Variants in SETX observed in about 807,000 individuals in gnomAD.
The protein encoded by SETX is senataxin.
A neutral mutation model predicts 227.2 loss-of-function variants in SETX; 90 were observed. That is an observed-to-expected ratio of 0.40 (90% CI 0.33 to 0.47). The LOEUF is 0.47. Ranked by LOEUF, SETX falls within the 20% of genes least tolerant of loss-of-function variation. The pLI, the probability that SETX is intolerant of heterozygous loss-of-function variation, is 0.91. For synonymous variants in SETX, 1,210 were observed against 1,113.2 expected (o/e 1.09, Z -1.73); for missense variants, 3,052 against 3,181.5 (o/e 0.96, Z 0.98).
chr9:132,338,358 T>G (rs1847763058), intron 5 of SETX, among the ~76,000 whole-genome samples: 2 of 152,168 alleles, frequency 1.3e-5, no homozygotes, highest in African/African-American at 4.8e-5. Flanking sequence ...CCCATAGTGC[T>G]GGGATTACAG....
chr9:132,311,694 C>A (rs990772027), intron 11 of SETX, 63 bp downstream of exon 11: 1 of 1,195,628 alleles, frequency 8.4e-7, no homozygotes, highest in Middle Eastern at 2.6e-4. Flanking sequence ...ATGCTATCTC[C>A]TCTTAATTAG....
At position 132,281,592 on chromosome 9, in the gene SETX, G is replaced by A; in HGVS notation, c.6547-18C>T. 6.6e-7 allele frequency: 1 copy of A among 1,521,496 alleles called. No individual in the cohort carries two copies. Among genetic ancestry groups the A allele is most frequent in the East Asian group, 2.3e-5 (1 of 44,378 alleles). 94.2% of individuals were successfully genotyped at this position (1,521,496 alleles called of 1,614,324 possible). On this transcript the variant is annotated intron_variant, in intron 19 of 25. Transcript: ENST00000224140. ...TGTCCAGCCTTGGTAAGATACAGAAGAGAGAGGCAGTCTTAACAATCTTTG... is the reference window on the plus strand; with the variant it reads ...TGTCCAGCCTTGGTAAGATACAGAAAAGAGAGGCAGTCTTAACAATCTTTG...
chr9:132,303,989 G>C (rs1255223717), intron 11 of SETX, among the ~76,000 whole-genome samples: 1 of 152,046 alleles, frequency 6.6e-6, no homozygotes, highest in East Asian at 1.9e-4. Flanking sequence ...AGGCATGGTG[G>C]GGCGCCTGTA....
Position 132,315,903 on chromosome 9 carries a change from C to T in SETX, c.5275-4047G>A, listed in dbSNP as rs554001067. Among the ~76,000 whole-genome samples the T allele has an allele frequency of 2.6e-5, 4 of 152,158 alleles. No individual in the cohort carries two copies. The South Asian group carries it at 8.3e-4, about 32-fold the overall frequency. On this transcript the variant is annotated intron_variant, in intron 10 of 25. Transcript: ENST00000224140. ...TCCACTACAGCTGTGTTAGTATAAC[C>T]GAAAAATCCAGAAGGGGGGTGTGTG... is the stretch of plus-strand genomic sequence containing the variant.
intron 12 of SETX, among the ~76,000 whole-genome samples, chr9:132,300,130 C>CAAAA (rs72582907): frequency 1.1e-4 from 5 of 47,214 alleles, no homozygotes; most frequent in African/African-American, 1.4e-4. Flanking sequence ...AACTCCGTCT[C>CAAAA]AAAAAAAAAA....
Position 132,264,511 on chromosome 9 carries a change from G to A in SETX, c.7762C>T (p.Gln2588Ter), listed in dbSNP as rs1191144997. The A allele has an allele frequency of 1.9e-6, 3 of 1,613,818 alleles. No homozygotes were observed. Among genetic ancestry groups the A allele is most frequent in the African/African-American group, 1.3e-5 (1 of 74,904 alleles). The change falls in exon 26 of 26, where the codon CAG becomes TAG. Residue 2588 changes from glutamine to a stop codon, truncating the protein, a stop_gained. Transcript: ENST00000224140. LOFTEE classifies it low-confidence loss of function (END_TRUNC). ...PVVHQDLSHI[Q>*]QPAAVVAALS... ...GCAGCCACTACAGCAGCGGGCTGCT[G>A]TATATGGCTCAGGTCCTGGTGAACG...
At position 132,327,890 on chromosome 9, in the gene SETX, A is replaced by G; in HGVS notation, c.3708T>C (p.Val1236=). The change falls in exon 10 of 26, where the codon GTT becomes GTC. Residue 1236 remains valine, a synonymous_variant. Transcript: ENST00000224140. The stretch of plus-strand genomic sequence containing the variant: ...TTTTCTTAGGGGTCTTAGAAACTGG[A>G]ACTTTCCTGATGGGTTCTGTACAAG... ...LCTCTEPIRK[V]PVSKTPKKTH... 1 of 1,614,182 alleles carries G rather than the reference A, an allele frequency of 6.2e-7. No homozygotes were observed. The highest frequency in any genetic ancestry group is 1.1e-5 in the South Asian group (1 of 91,082).
At chr9:132,292,276 T>G (rs1589659105) in intron 15 of SETX, among the ~76,000 whole-genome samples, 1 of 151,400 alleles carries the variant, frequency 6.6e-6, no homozygotes, top group Non-Finnish European at 1.5e-5. Flanking sequence ...AACAAAAATT[T>G]AAAAATTAAC....
chr9:132,284,974 G>A (rs1843759338), intron 18 of SETX, among the ~76,000 whole-genome samples: 1 of 151,884 alleles, frequency 6.6e-6, no homozygotes, highest in East Asian at 1.9e-4. Flanking sequence ...TGCCTCCCAG[G>A]TTCACGCCAT....
rs929008583 is a variant in SETX, at chr9:132,283,296, C to G, written c.6514G>C (p.Gly2172Arg). The G allele has an allele frequency of 6.2e-7, 1 of 1,614,028 alleles. No homozygotes were observed. The highest frequency in any genetic ancestry group is 2.2e-5 in the East Asian group (1 of 44,898). ...LLESAFRGQG[G>R]VPFSCVIVDE... ...ACAATGACACAGCTGAAGGGGACAC[C>G]CCCTTGCCCACGGAAAGCAGACTCA... Residue 2172 changes from glycine to arginine, a missense_variant, in exon 19 of 26, where the codon GGT becomes CGT. By Grantham distance (125) the Gly-to-Arg change is moderately radical (BLOSUM62 -2). Coordinates refer to ENST00000224140, the MANE Select transcript of SETX (RefSeq NM_015046.7).
intron 10 of SETX, among the ~76,000 whole-genome samples, chr9:132,323,236 T>G (rs926287409): frequency 6.6e-5 from 10 of 152,022 alleles, no homozygotes; most frequent in Non-Finnish European, 1.5e-4. Flanking sequence ...CAGAACAAAT[T>G]TATAGATTAA....
At chr9:132,279,535 C>T (rs760337122) in intron 20 of SETX, among the ~76,000 whole-genome samples, 3 of 152,242 alleles carry the variant, frequency 2.0e-5, no homozygotes, top group Middle Eastern at 3.4e-3. Flanking sequence ...GCACTGAAGA[C>T]GTGCAAAGCC....
rs1283456731 is a variant in SETX at position 132,283,403 on chromosome 9, C to CA, written c.6406_6407insT (p.Arg2136LeufsTer29). 1 of 1,613,984 alleles carries CA rather than the reference C, an allele frequency of 6.2e-7. No homozygotes were observed. The highest frequency in any genetic ancestry group is 8.5e-7 in the Non-Finnish European group (1 of 1,180,002). On this transcript the variant is annotated frameshift_variant, in exon 19 of 26. Transcript: ENST00000224140. LOFTEE classifies it high-confidence loss of function. ...GATGATACTCTGTGTTTTCTGTGGG[C>CA]GTCCTTGAACCTAAGAGAACAAAGG...
chr9:132,281,825 G>T (rs1462025377), intron 19 of SETX, among the ~76,000 whole-genome samples: 1 of 151,978 alleles, frequency 6.6e-6, no homozygotes, highest in Non-Finnish European at 1.5e-5. Flanking sequence ...GATCACCTGA[G>T]GTCCGGAGTT....
chr9:132,346,320 A>G lies in SETX; in HGVS notation c.329T>C (p.Leu110Pro). The G allele has an allele frequency of 6.2e-7, 1 of 1,614,118 alleles. No homozygotes were observed. Residue 110 changes from leucine to proline, a missense_variant, in exon 4 of 26, where the codon CTT (leucine) becomes CCT (proline). By Grantham distance (98) the Leu-to-Pro change is moderately conservative. Transcript: ENST00000224140. ...DITGQDFENK[L>P]RVPLLEILKY... ...CAGTATTTCAAGAAGAGGAACTCGA[A>G]GCTTATTTTCAAAGTCTTGCCCAGT...
chr9:132,319,052 T>A (rs751861693), intron 10 of SETX, among the ~76,000 whole-genome samples: 7 of 152,196 alleles, frequency 4.6e-5, no homozygotes, highest in Non-Finnish European at 7.3e-5. Context: ...TAGCCCGTGA[T>A]CATTTGACAT....
At chr9:132,352,548 C>G (rs1848656814) in intron 2 of SETX, among the ~76,000 whole-genome samples, 1 of 152,154 alleles carries the variant, frequency 6.6e-6, no homozygotes, top group African/African-American at 2.4e-5. Context: ...GTCAAGAGAT[C>G]AAGACCATCC....
chr9:132,326,270 TAA>T (rs1846745817), intron 10 of SETX, 52 bp downstream of exon 10: 3 of 1,341,740 alleles, frequency 2.2e-6, no homozygotes, highest in South Asian at 2.4e-5. Context: ...CTCAGCAAGG[TAA>T]AGAGGTAACT....
intron 10 of SETX, among the ~76,000 whole-genome samples, chr9:132,317,062 A>G (rs763663227): frequency 2.0e-5 from 3 of 152,252 alleles, no homozygotes; most frequent in Non-Finnish European, 4.4e-5. Context: ...TATCACATCC[A>G]TGAACATAGC....
Sources: allele counts gnomAD v4.1 joint callset (sites outside exome capture counted in the v4.1 genomes callset), GRCh38; gene constraint gnomAD v4.1.1; transcripts MANE v1.5; gene names NCBI Gene and HGNC (gene_info 2026-07-23, HGNC 2026-07-21).